Variants in VPS26A observed in about 807,000 individuals in gnomAD.
VPS26A encodes the protein vacuolar protein sorting-associated protein 26A.
In VPS26A, 22 loss-of-function variants were observed where a neutral mutation model predicts 42.4. The observed-to-expected ratio is 0.52, with a 90% confidence interval of 0.37 to 0.74. The LOEUF (loss-of-function observed/expected upper bound fraction) is 0.74. Among genes scored for constraint, VPS26A ranks in the 30% least tolerant of loss-of-function variants. VPS26A has a pLI of 0.00. For synonymous variants in VPS26A, 110 were observed against 123.5 expected (o/e 0.89, Z 0.73); for missense variants, 276 against 379.2 (o/e 0.73, Z 2.26).
chr10:69,151,278 A>AAAACC (rs1399591330), intron 2 of VPS26A, among the ~76,000 whole-genome samples: 1 of 56,332 alleles, frequency 1.8e-5, no homozygotes, highest in Admixed American at 2.2e-4. Flanking sequence ...AAAAAAAAAA[A>AAAACC]AAAAACACAC....
intron 1 of VPS26A, among the ~76,000 whole-genome samples, chr10:69,124,648 T>G (rs1840610477): frequency 6.6e-6 from 1 of 152,146 alleles, no homozygotes; most frequent in Non-Finnish European, 1.5e-5. Context: ...GCAGCCTCTC[T>G]TCCATCCAGG....
chr10:69,145,659 T>C (rs1207875857), intron 2 of VPS26A, among the ~76,000 whole-genome samples: 1 of 152,206 alleles, frequency 6.6e-6, no homozygotes, highest in African/African-American at 2.4e-5. Flanking sequence ...AATCAGAGGT[T>C]GTGTGAACCT....
At chr10:69,164,704 G>A (rs530279751) in intron 6 of VPS26A, among the ~76,000 whole-genome samples, 64 of 152,202 alleles carry the variant, frequency 4.2e-4, no homozygotes, top group Middle Eastern at 3.4e-3. Flanking sequence ...ATAATTTTCT[G>A]TGCTTGATTC....
At chr10:69,165,681 AC>A (rs1401183904) in intron 6 of VPS26A, among the ~76,000 whole-genome samples, 6 of 152,130 alleles carry the variant, frequency 3.9e-5, no homozygotes, top group Non-Finnish European at 5.9e-5. Context: ...ATGATAGTGC[AC>A]GCCTGTAGTC....
rs2132246456 is a variant in VPS26A, at chr10:69,172,040, A to G, written c.*771A>G. On this transcript the variant is annotated 3_prime_UTR_variant, in exon 9 of 9. Coordinates refer to ENST00000263559, the MANE Select transcript of VPS26A (RefSeq NM_004896.5). ...CAATGTGGAGTTGACTTAGCTTGGC[A>G]TTTTAGATTTGTTAAAACTATTTTT... is the stretch of plus-strand genomic sequence containing the variant. 1 of 152,274 alleles carries G rather than the reference A, an allele frequency of 6.6e-6. No individual in the cohort carries two copies. Among genetic ancestry groups the G allele is most frequent in the Admixed American group, 6.5e-5 (1 of 15,292 alleles). The allele number at this position is 152,274 out of a possible 1,614,324, so 9.4% of individuals were successfully genotyped here.
rs982115107 is a variant in VPS26A at position 69,124,214 on chromosome 10, G to T, written c.-64G>T. The T allele has an allele frequency of 1.6e-6, 2 of 1,271,704 alleles. No individual in the cohort carries two copies. The highest frequency in any genetic ancestry group is 3.0e-5 in the East Asian group (1 of 33,080). 78.8% of individuals were successfully genotyped at this position (1,271,704 alleles called of 1,614,324 possible). A position where few individuals can be genotyped will look rare whatever the true frequency, so the allele number is the denominator to read the frequency against. On this transcript the variant is annotated 5_prime_UTR_variant, in exon 1 of 9. Coordinates refer to ENST00000263559, the MANE Select transcript of VPS26A (RefSeq NM_004896.5). ...ACGGAGCGCCGGAGCGGAGGGAGCC[G>T]GGGCTGGGAGTTCTCCTGAGGGAAG...
chr10:69,156,939 G>C, intron 3 of VPS26A, 68 bp from the exon 4 acceptor site: 1 of 1,417,920 alleles, frequency 7.1e-7, no homozygotes, highest in East Asian at 2.4e-5. Flanking sequence ...TGTGTTTGAA[G>C]TAGATGTCTG....
chr10:69,158,886 CAATTA>C (rs556764562), intron 5 of VPS26A, among the ~76,000 whole-genome samples: 273 of 152,140 alleles, frequency 1.8e-3, no homozygotes, highest in Non-Finnish European at 3.0e-3. Flanking sequence ...ATCATTTTAT[CAATTA>C]AATTATATAT....
chr10:69,157,262 G>A, intron 4 of VPS26A, 99 bp downstream of exon 4: 1 of 1,414,936 alleles, frequency 7.1e-7, no homozygotes, highest in South Asian at 1.6e-5. Context: ...TTCTGTATTG[G>A]AAGATTTAAG....
At chr10:69,170,376 C>CT in intron 8 of VPS26A, 1 of 151,958 alleles carries the variant, frequency 6.6e-6, no homozygotes, top group South Asian at 2.1e-4. Flanking sequence ...GGAGGTAAGT[C>CT]TGTTATTTCC....
chr10:69,132,863 A>C (rs746451432), intron 1 of VPS26A, 35 bp from the exon 2 acceptor site: 1 of 1,557,526 alleles, frequency 6.4e-7, no homozygotes, highest in Non-Finnish European at 8.6e-7. Context: ...GACTGACTAA[A>C]CATGATAATT....
At chr10:69,161,159 A>G (rs182462936) in intron 5 of VPS26A, among the ~76,000 whole-genome samples, 57 of 152,304 alleles carry the variant, frequency 3.7e-4, no homozygotes, top group Non-Finnish European at 3.8e-4. Flanking sequence ...TCCCAGGCTC[A>G]AATTATCATC....
intron 1 of VPS26A, among the ~76,000 whole-genome samples, chr10:69,125,707 G>C (rs1411237935): frequency 4.6e-5 from 7 of 152,114 alleles, no homozygotes; most frequent in African/African-American, 1.4e-4. Context: ...CACTGAAATG[G>C]TCACAGATGT....
At chr10:69,138,504 T>C (rs1840969537) in intron 2 of VPS26A, among the ~76,000 whole-genome samples, 1 of 152,212 alleles carries the variant, frequency 6.6e-6, no homozygotes, top group South Asian at 2.1e-4. Flanking sequence ...TAAGGGTCTT[T>C]TGTGTTTCTG....
chr10:69,162,473 A>T lies in VPS26A; in HGVS notation c.619A>T (p.Met207Leu). Residue 207 changes from methionine to leucine, a missense_variant, in exon 6 of 9, where the codon ATG becomes TTG. Coordinates refer to ENST00000263559, the MANE Select transcript of VPS26A (RefSeq NM_004896.5). ...ATTAGTAAGAATAAAAATACAACAT[A>T]TGGAGTTACAGCTGATCAAAAAAGA... ...FLLVRIKIQH[M>L]ELQLIKKEIT... 1 of 1,574,364 alleles carries T rather than the reference A, an allele frequency of 6.4e-7. No homozygotes were observed. Among genetic ancestry groups the T allele is most frequent in the Non-Finnish European group, 8.7e-7 (1 of 1,148,476 alleles).
chr10:69,144,435 TACC>T (rs1429778588), intron 2 of VPS26A, among the ~76,000 whole-genome samples: 1 of 150,784 alleles, frequency 6.6e-6, no homozygotes, highest in Non-Finnish European at 1.5e-5. Flanking sequence ...GCACCTGCGC[TACC>T]ACCACCATCC....
chr10:69,164,363 A>C (rs931565097), intron 6 of VPS26A, among the ~76,000 whole-genome samples: 5 of 151,994 alleles, frequency 3.3e-5, no homozygotes, highest in South Asian at 2.1e-4. Flanking sequence ...GGCCACAGGC[A>C]CATGCCACCA....
At chr10:69,163,761 G>GTTTTTTTTTTTTTTTT (rs869118567) in intron 6 of VPS26A, among the ~76,000 whole-genome samples, 1 of 145,840 alleles carries the variant, frequency 6.9e-6, no homozygotes, top group African/African-American at 2.6e-5. Context: ...TTAATTTTCA[G>GTTTTTTTTTTTTTTTT]TTTTCTTTTT....
At chr10:69,169,184 T>C (rs1472812207) in intron 8 of VPS26A, among the ~76,000 whole-genome samples, 2 of 146,280 alleles carry the variant, frequency 1.4e-5, no homozygotes, top group Non-Finnish European at 3.0e-5. Flanking sequence ...CCCAGCTGTA[T>C]TCTTTAATTT....
Sources: gnomAD v4.1 joint callset for allele counts (sites outside exome capture counted in the v4.1 genomes callset) on GRCh38, gnomAD v4.1.1 for gene constraint, MANE v1.5 for transcripts, NCBI Gene and HGNC (gene_info 2026-07-23, HGNC 2026-07-21) for gene names.